The following PRPF6 variants were observed in gnomAD, a reference collection of about 807,000 sequenced individuals.
PRPF6 encodes the protein pre-mRNA-processing factor 6.
In PRPF6, 42 loss-of-function variants were observed where a neutral mutation model predicts 118.3. The observed-to-expected ratio is 0.35, with a 90% CI of 0.28 to 0.46. The LOEUF is 0.46. PRPF6 is among the 20% of genes least tolerant of loss of function. PRPF6 has a pLI of 1.00. For synonymous variants in PRPF6, 481 were observed against 485.1 expected (o/e 0.99, Z 0.11); for missense variants, 662 against 1,255.7 (o/e 0.53, Z 7.15).
rs1185552641 is a variant in PRPF6 at position 63,995,328 on chromosome 20, A to C, written c.617A>C (p.Gln206Pro). The C allele has an allele frequency of 6.2e-7, 1 of 1,611,120 alleles. No individual in the cohort carries two copies. The highest frequency in any genetic ancestry group is 8.5e-7 in the Non-Finnish European group (1 of 1,178,642). Residue 206 changes from glutamine (Q) to proline (P), a missense_variant and splice_region_variant, in exon 6 of 21, where the codon CAA (glutamine) becomes CCA (proline). Gln to Pro is a moderately conservative substitution (Grantham distance 76). Transcript: ENST00000266079. ...NHTSVDPRQT[Q>P]FGGLNTPYPG... is the part of the protein sequence containing the mutation. ...TGCCTTTCCTCTCTTCCCCTCCAGC[A>C]ATTTGGAGGTCTTAACACACCCTAT...
chr20:63,999,257 A>G lies in PRPF6; in HGVS notation c.866+118A>G, dbSNP rs972218285. On this transcript the variant is annotated intron_variant, in intron 7 of 20. Coordinates refer to ENST00000266079, the MANE Select transcript of PRPF6 (RefSeq NM_012469.4). Reference sequence around the variant, plus strand: ...GACATGGCGGTTCTAAGAAATGTAAAGTGGAGTAGTTTGTTTTTTCCATTT... The same window carrying G: ...GACATGGCGGTTCTAAGAAATGTAAGGTGGAGTAGTTTGTTTTTTCCATTT... 1.5e-5 allele frequency: 13 copies of G among 867,780 alleles called. No individual in the cohort carries two copies. The African/African-American group carries it at 2.0e-4, about 13-fold the overall frequency. 53.8% of individuals were successfully genotyped at this position (867,780 alleles called of 1,614,324 possible).
intron 2 of PRPF6, among the ~76,000 whole-genome samples, chr20:63,983,774 T>C (rs955807422): frequency 6.6e-6 from 1 of 151,804 alleles, no homozygotes; most frequent in African/African-American, 2.4e-5. Flanking sequence ...CCTGCCTCAG[T>C]CTCCAAGTAA....
chr20:64,020,864 G>T (rs2059259544), intron 12 of PRPF6, among the ~76,000 whole-genome samples: 2 of 147,738 alleles, frequency 1.4e-5, no homozygotes, highest in South Asian at 4.2e-4. Context: ...TTGGCACCCT[G>T]CAACCTCCGC....
rs2059215404 is a variant in PRPF6, at chr20:64,011,190, G to T, written c.1306-95G>T. On this transcript the variant is annotated intron_variant, in intron 10 of 20. Transcript: ENST00000266079. The surrounding 1 kb of genome is among the most constrained non-coding windows in gnomAD (Gnocchi z 6.7). The stretch of plus-strand genomic sequence containing the variant: ...TGGTTCTCGAGAGCTAAGAAAGAAC[G>T]TGGTGGCCAACGCTGGAGGGTGGGT... The T allele has an allele frequency of 4.5e-6, 5 of 1,102,982 alleles. No individual in the cohort carries two copies. In the South Asian group the frequency reaches 5.2e-5, roughly 11 times the overall value. The allele number at this position is 1,102,982 out of a possible 1,614,324, so 68.3% of individuals were successfully genotyped here.
At chr20:64,017,668 G>T (rs2059245470) in intron 12 of PRPF6, among the ~76,000 whole-genome samples, 1 of 151,470 alleles carries the variant, frequency 6.6e-6, no homozygotes, top group African/African-American at 2.4e-5. Flanking sequence ...CAGGCGTGAG[G>T]CGCCACGCCT....
In PRPF6 at chr20:64,019,098, T is replaced by C. The variant is rs1219165786; in HGVS notation, c.1647+2253T>C. On this transcript the variant is annotated intron_variant, in intron 12 of 20. Coordinates refer to ENST00000266079, the MANE Select transcript of PRPF6 (RefSeq NM_012469.4). ...GTAATAGTTTTTGTTGTTGGTTTTTTTTTTTTTTTTTTTTGGGACAGAGTC... is the reference window on the plus strand; with the variant it reads ...GTAATAGTTTTTGTTGTTGGTTTTTCTTTTTTTTTTTTTTGGGACAGAGTC... Among the ~76,000 whole-genome samples, 6 of 148,840 alleles carry C rather than the reference T, an allele frequency of 4.0e-5. No homozygotes were observed. In the East Asian group the frequency reaches 1.2e-3, roughly 29 times the overall value.
chr20:63,986,156 C>T (rs539318544), intron 3 of PRPF6, among the ~76,000 whole-genome samples: 3 of 152,056 alleles, frequency 2.0e-5, no homozygotes, highest in African/African-American at 7.2e-5. Context: ...GTCTGGCCAA[C>T]CTAGTGAAAC....
chr20:64,003,694 C>G (rs764425145), intron 9 of PRPF6, among the ~76,000 whole-genome samples: 3 of 152,228 alleles, frequency 2.0e-5, no homozygotes, highest in Non-Finnish European at 4.4e-5. Context: ...CTCCCAGGTT[C>G]ACGCCATTCT....
intron 3 of PRPF6, among the ~76,000 whole-genome samples, chr20:63,986,100 G>A (rs1196312586): frequency 6.6e-6 from 1 of 152,078 alleles, no homozygotes; most frequent in African/African-American, 2.4e-5. Context: ...TTGGGAGGCC[G>A]AGGTGGGCGG....
intron 8 of PRPF6, 41 bp from the exon 9 acceptor site, chr20:64,001,036 G>T (rs201511641): frequency 1.2e-6 from 2 of 1,608,778 alleles, no homozygotes; most frequent in Admixed American, 1.7e-5. Context: ...GCGGCTTCCA[G>T]CCTGCACTGA....
At position 64,031,697 on chromosome 20, in the gene PRPF6, A is replaced by C. The variant is rs931645710; in HGVS notation, c.2547-221A>C. On this transcript the variant is annotated intron_variant, in intron 19 of 20. Transcript: ENST00000266079. ...CAAAAAAAAAAAAAAAAAAACAACA[A>C]AAAAAAACCAATTTGGTTAGACCCG... Among the ~76,000 whole-genome samples the C allele has an allele frequency of 4.4e-3, 661 of 151,418 alleles. 5 individuals are homozygous for C. The highest frequency in any genetic ancestry group is 0.015 in the African/African-American group (600 of 41,122).
intron 11 of PRPF6, among the ~76,000 whole-genome samples, chr20:64,016,123 C>CTT (rs756499334): frequency 3.5e-5 from 5 of 142,068 alleles, no homozygotes; most frequent in East Asian, 2.0e-4. Flanking sequence ...GACTCTCTCT[C>CTT]TTTTTTTTTT....
intron 3 of PRPF6, among the ~76,000 whole-genome samples, chr20:63,989,415 C>G (rs2059109034): frequency 6.6e-6 from 1 of 152,016 alleles, no homozygotes; most frequent in African/African-American, 2.4e-5. Flanking sequence ...TGCACTCCAG[C>G]CTGGGCCACA....
intron 7 of PRPF6, 151 bp from the exon 8 acceptor site, chr20:63,999,452 G>A (rs1173394481): frequency 2.9e-6 from 3 of 1,049,278 alleles, no homozygotes; most frequent in Non-Finnish European, 4.4e-6. Context: ...TTGGAATAGT[G>A]CGCACTGAGG....
At chr20:63,984,160 C>T (rs1056968213) in intron 2 of PRPF6, among the ~76,000 whole-genome samples, 26 of 152,094 alleles carry the variant, frequency 1.7e-4, no homozygotes, top group African/African-American at 6.3e-4. Flanking sequence ...GTAGCTCACA[C>T]CTATAATCCT....
rs1456625900 is a variant in PRPF6 at position 63,999,472 on chromosome 20, G to C, written c.867-131G>C. The C allele has an allele frequency of 2.4e-6, 3 of 1,262,258 alleles. No homozygotes were observed. The African/African-American group carries it at 4.4e-5, about 19-fold the overall frequency. The allele number at this position is 1,262,258 out of a possible 1,614,324, so 78.2% of individuals were successfully genotyped here. A position where few individuals can be genotyped will look rare whatever the true frequency, so the allele number is the denominator to read the frequency against. On this transcript the variant is annotated intron_variant, in intron 7 of 20. Transcript: ENST00000266079. ...ATAGTGCGCACTGAGGTTTTGAGTT[G>C]GTTTTTGTAACTCAGGACATCAGGA...
intron 14 of PRPF6, among the ~76,000 whole-genome samples, chr20:64,025,465 C>A (rs933485231): frequency 5.3e-5 from 8 of 152,194 alleles, no homozygotes; most frequent in Non-Finnish European, 8.8e-5. Context: ...CTTGTGGACG[C>A]CTTCTCCACA....
intron 20 of PRPF6, among the ~76,000 whole-genome samples, chr20:64,032,613 C>T (rs1346140996): frequency 6.6e-6 from 1 of 152,212 alleles, no homozygotes; most frequent in African/African-American, 2.4e-5. Context: ...CTCAGTTCCT[C>T]ATCTGTGGGC....
intron 9 of PRPF6, among the ~76,000 whole-genome samples, chr20:64,004,720 G>A (rs1360131131): frequency 1.3e-5 from 2 of 152,210 alleles, no homozygotes; most frequent in African/African-American, 4.8e-5. Context: ...GGATTGGGGA[G>A]GGTGCAGCAT....
Sources: gnomAD v4.1 joint callset for allele counts (sites outside exome capture counted in the v4.1 genomes callset) on GRCh38, gnomAD v4.1.1 for gene constraint, Gnocchi (gnomAD v3.1) non-coding constraint, MANE v1.5 for transcripts, NCBI Gene and HGNC (gene_info 2026-07-23, HGNC 2026-07-21) for gene names.